Variants in FBLN5 observed in about 807,000 individuals in gnomAD.
The protein encoded by FBLN5 is fibulin 5.
In FBLN5, 24 loss-of-function variants were observed where a neutral mutation model predicts 61.6. That is an observed-to-expected ratio of 0.39 (90% CI 0.28 to 0.55). The LOEUF (loss-of-function observed/expected upper bound fraction) is 0.55. FBLN5 is among the 20% of genes least tolerant of loss of function. The probability of loss-of-function intolerance (pLI) is 0.65; values close to 1 mark genes in which losing one functional copy is unlikely to be tolerated. For synonymous variants in FBLN5, 213 were observed against 219.8 expected, an observed-to-expected ratio of 0.97 and a Z score of 0.27; for missense variants, 470 against 594.1, an observed-to-expected ratio of 0.79 and a Z score of 2.17.
chr14:91,903,461 C>T lies in FBLN5; in HGVS notation c.380-8389G>A, dbSNP rs536427807. Reference sequence around the variant, plus strand: ...AGGAGAAAGGACAACATACTTCCTCCAACACAGAGCATCCCTTTTTTAACT... The same window carrying T: ...AGGAGAAAGGACAACATACTTCCTCTAACACAGAGCATCCCTTTTTTAACT... On this transcript the variant is annotated intron_variant, in intron 4 of 10. Transcript: ENST00000342058. 1.8e-4 allele frequency among the ~76,000 whole-genome samples: 27 copies of T among 152,306 alleles called. No homozygotes were observed. In the South Asian group the frequency reaches 3.9e-3, roughly 22 times the overall value.
In FBLN5 at chr14:91,890,554, A is replaced by C. The variant is rs78253265; in HGVS notation, c.619+667T>G. The stretch of plus-strand genomic sequence containing the variant: ...GTCCCCCATTCACTTCCTGAGCAGA[A>C]GAAACCTTCAGATGGAAACCACAAT... On this transcript the variant is annotated intron_variant, in intron 6 of 10. Coordinates refer to ENST00000342058, the MANE Select transcript of FBLN5 (RefSeq NM_006329.4). 7.2e-3 allele frequency among the ~76,000 whole-genome samples: 1,104 copies of C among 152,382 alleles called. 28 individuals carry two copies. The highest frequency in any genetic ancestry group is 0.025 in the African/African-American group (1,058 of 41,592).
At chr14:91,903,828 T>C (rs1181090302) in intron 4 of FBLN5, among the ~76,000 whole-genome samples, 1 of 152,172 alleles carries the variant, frequency 6.6e-6, no homozygotes, top group East Asian at 1.9e-4. Flanking sequence ...TTACATCCCC[T>C]ACCCCAAAGA....
In FBLN5 at chr14:91,882,172, A is replaced by C. The variant is rs1206778172; in HGVS notation, c.863-754T>G. ...ACTCTGTCACAAAAAGAAAAAAAAGAAAGAAAGAAAAGAAAATATAGTAGT... is the reference window on the plus strand; with the variant it reads ...ACTCTGTCACAAAAAGAAAAAAAAGCAAGAAAGAAAAGAAAATATAGTAGT... On this transcript the variant is annotated intron_variant, in intron 8 of 10. Transcript: ENST00000342058. The surrounding 1 kb of genome is among the most constrained non-coding windows in gnomAD (Gnocchi z 4.9). Among the ~76,000 whole-genome samples, 1 of 152,196 alleles carries C rather than the reference A, an allele frequency of 6.6e-6. No individual in the cohort carries two copies. The highest frequency in any genetic ancestry group is 1.5e-5 in the Non-Finnish European group (1 of 68,032).
chr14:91,916,507 G>C (rs1299005101), intron 4 of FBLN5, among the ~76,000 whole-genome samples: 1 of 152,178 alleles, frequency 6.6e-6, no homozygotes, highest in African/African-American at 2.4e-5. Context: ...GTTCTGTAAA[G>C]AGGATTCATG....
chr14:91,878,132 T>C (rs945790301), intron 9 of FBLN5: 7 of 365,970 alleles, frequency 1.9e-5, no homozygotes, highest in African/African-American at 1.5e-4. Flanking sequence ...CATTCTCTAT[T>C]GTGCTCAGCC....
chr14:91,908,727 T>C (rs886500526), intron 4 of FBLN5, among the ~76,000 whole-genome samples: 1 of 152,144 alleles, frequency 6.6e-6, no homozygotes, highest in Non-Finnish European at 1.5e-5. Flanking sequence ...TAGGAGCCCA[T>C]CCCAACCCAG....
At chr14:91,892,530 G>A (rs1376927192) in intron 5 of FBLN5, among the ~76,000 whole-genome samples, 1 of 152,238 alleles carries the variant, frequency 6.6e-6, no homozygotes, top group Non-Finnish European at 1.5e-5. Flanking sequence ...GCCCTGTCCT[G>A]TGATTCTGTT....
chr14:91,920,788 G>C (rs1027306995), intron 4 of FBLN5, among the ~76,000 whole-genome samples: 2 of 152,170 alleles, frequency 1.3e-5, no homozygotes, highest in Non-Finnish European at 2.9e-5. Flanking sequence ...ATGGTAGCAC[G>C]AAGTATGGAC....
intron 4 of FBLN5, among the ~76,000 whole-genome samples, chr14:91,896,734 G>A (rs1307627847): frequency 6.6e-6 from 1 of 152,102 alleles, no homozygotes; most frequent in Non-Finnish European, 1.5e-5. Flanking sequence ...GGAGCTGGCA[G>A]ACTGGGCTGA....
chr14:91,904,339 G>A (rs889610902), intron 4 of FBLN5, among the ~76,000 whole-genome samples: 9 of 152,220 alleles, frequency 5.9e-5, no homozygotes, highest in East Asian at 1.9e-4. Context: ...ATTGTGGCCC[G>A]TCTCTCATTC....
Position 91,940,602 on chromosome 14 carries a change from A to C in FBLN5, c.87T>G (p.Asn29Lys). The C allele has an allele frequency of 6.2e-7, 1 of 1,614,126 alleles. No homozygotes were observed. The highest frequency in any genetic ancestry group is 8.5e-7 in the Non-Finnish European group (1 of 1,179,984). ...SPGNAQAQCT[N>K]GFDLDRQSGQ... ...CTGACTGGCGATCCAGGTCAAAGCCATTCGTGCACTGTGCCTGCAGGGAAG... is the reference window on the plus strand; with the variant it reads ...CTGACTGGCGATCCAGGTCAAAGCCCTTCGTGCACTGTGCCTGCAGGGAAG... The change falls in exon 3 of 11, where the codon AAT becomes AAG. Residue 29 changes from asparagine to lysine, a missense_variant. By Grantham distance (94) the Asn-to-Lys change is moderately conservative. Transcript: ENST00000342058.
At chr14:91,886,819 C>A (rs1227267020) in intron 7 of FBLN5, among the ~76,000 whole-genome samples, 3 of 152,198 alleles carry the variant, frequency 2.0e-5, no homozygotes, top group Admixed American at 6.5e-5. Flanking sequence ...TCCTGGGTCA[C>A]TGCCCTCTGT....
chr14:91,925,299 C>G (rs1188197725), intron 4 of FBLN5, among the ~76,000 whole-genome samples: 1 of 152,248 alleles, frequency 6.6e-6, no homozygotes, highest in African/African-American at 2.4e-5. Flanking sequence ...CCCATCTCCC[C>G]TCTGGCCCGG....
In FBLN5 at chr14:91,870,319, G is replaced by C. The variant is rs1405633471; in HGVS notation, c.1252C>G (p.Leu418Val). Residue 418 changes from leucine (L) to valine (V), a missense_variant, in exon 11 of 11, where the codon CTG becomes GTG. Transcript: ENST00000342058. Reference sequence around the variant, plus strand: ...TTGACAGTGATCATTTCCAAGTCCAGCTGGATTTCCCGGGGCCCTTTGATG... The same window carrying C: ...TTGACAGTGATCATTTCCAAGTCCACCTGGATTTCCCGGGGCCCTTTGATG... ...RPIKGPREIQ[L>V]DLEMITVNTV... 4 of 1,614,056 alleles carry C rather than the reference G, an allele frequency of 2.5e-6. No homozygotes were observed. Among genetic ancestry groups the C allele is most frequent in the Non-Finnish European group, 3.4e-6 (4 of 1,180,004 alleles).
chr14:91,920,378 T>A (rs916041316), intron 4 of FBLN5, among the ~76,000 whole-genome samples: 2 of 152,216 alleles, frequency 1.3e-5, no homozygotes, highest in African/African-American at 4.8e-5. Flanking sequence ...ATCCCCAGTG[T>A]CTCGAAATGA....
At chr14:91,915,961 T>C (rs1891183228) in intron 4 of FBLN5, among the ~76,000 whole-genome samples, 1 of 152,212 alleles carries the variant, frequency 6.6e-6, no homozygotes, top group South Asian at 2.1e-4. Context: ...TGGCAGGTCA[T>C]TCTACTTTAT....
chr14:91,880,357 T>G (rs1889366600), intron 9 of FBLN5, among the ~76,000 whole-genome samples: 1 of 152,194 alleles, frequency 6.6e-6, no homozygotes, highest in South Asian at 2.1e-4. Flanking sequence ...GTGTTACATT[T>G]AGAAGCCAAC....
At chr14:91,934,812 C>T (rs2055985625) in intron 4 of FBLN5, among the ~76,000 whole-genome samples, 1 of 152,128 alleles carries the variant, frequency 6.6e-6, no homozygotes, top group Non-Finnish European at 1.5e-5. Flanking sequence ...GCTTCCCTTC[C>T]ACCTGCTCCC....
At chr14:91,928,432 C>T (rs75526199) in intron 4 of FBLN5, among the ~76,000 whole-genome samples, 4 of 152,050 alleles carry the variant, frequency 2.6e-5, no homozygotes, top group African/African-American at 7.2e-5. Flanking sequence ...CAGAGGATTA[C>T]GAAAGAAAAC....
Sources: gnomAD v4.1 joint callset for allele counts (sites outside exome capture counted in the v4.1 genomes callset) on GRCh38, gnomAD v4.1.1 for gene constraint, Gnocchi (gnomAD v3.1) non-coding constraint, MANE v1.5 for transcripts, NCBI Gene and HGNC (gene_info 2026-07-23, HGNC 2026-07-21) for gene names.